KCNIP4: variants seen among roughly 807,000 people sequenced by gnomAD.
KCNIP4 encodes the protein potassium voltage-gated channel interacting protein 4.
KCNIP4 carries 12 observed loss-of-function variants against 34.0 expected under a neutral mutation model. The observed-to-expected ratio is 0.35, with a 90% CI of 0.23 to 0.57. The LOEUF is 0.57. Ranked by LOEUF, KCNIP4 falls within the 20% of genes least tolerant of loss-of-function variation. The pLI is 0.83. For synonymous variants in KCNIP4, 124 were observed against 102.2 expected (o/e 1.21, Z -1.29); for missense variants, 238 against 311.7 (o/e 0.76, Z 1.78).
intron 1 of KCNIP4, among the ~76,000 whole-genome samples, chr4:21,841,634 G>T (rs889844971): frequency 6.6e-6 from 1 of 152,028 alleles, no homozygotes; most frequent in African/African-American, 2.4e-5. Flanking sequence ...TCTCCTAAAA[G>T]AATTCCAAGC....
chr4:21,778,460 CTT>C lies in KCNIP4; in HGVS notation c.61+170109_61+170110del, dbSNP rs555374580. 4.6e-5 allele frequency among the ~76,000 whole-genome samples: 7 copies of C among 151,826 alleles called. No individual in the cohort carries two copies. In the East Asian group the frequency reaches 1.4e-3, roughly 29 times the overall value. On this transcript the variant is annotated intron_variant, in intron 1 of 8. Transcript: ENST00000382152. ...ATGTTACCCAGGCTGGTCTTGAACTCTTGGGTTGAACTCCCACCTCGGCCTCC... is the reference window on the plus strand; with the variant it reads ...ATGTTACCCAGGCTGGTCTTGAACTCGGGTTGAACTCCCACCTCGGCCTCC...
intron 1 of KCNIP4, among the ~76,000 whole-genome samples, chr4:21,918,587 C>A (rs545155392): frequency 1.3e-5 from 2 of 152,070 alleles, no homozygotes; most frequent in Non-Finnish European, 2.9e-5. Flanking sequence ...AACTTAGAGA[C>A]CTTATGCCCA....
intron 3 of KCNIP4, among the ~76,000 whole-genome samples, chr4:20,796,188 A>G (rs905043258): frequency 6.6e-6 from 1 of 152,234 alleles, no homozygotes; most frequent in African/African-American, 2.4e-5. Flanking sequence ...AATCTAACTT[A>G]GTATATATCT....
intron 1 of KCNIP4, among the ~76,000 whole-genome samples, chr4:21,147,955 AAAAAAG>A (rs1427964040): frequency 2.2e-5 from 3 of 138,946 alleles, no homozygotes; most frequent in Non-Finnish European, 4.7e-5. Flanking sequence ...AAAAAAAAAA[AAAAAAG>A]AAAAAAAGTT....
chr4:21,557,093 G>T (rs377236346), intron 1 of KCNIP4, among the ~76,000 whole-genome samples: 1 of 152,006 alleles, frequency 6.6e-6, no homozygotes, highest in African/African-American at 2.4e-5. Flanking sequence ...ATATCTTCCA[G>T]TAGTGGGTAC....
chr4:21,924,901 T>C (rs1729150005), intron 1 of KCNIP4, among the ~76,000 whole-genome samples: 1 of 152,008 alleles, frequency 6.6e-6, no homozygotes, highest in South Asian at 2.1e-4. Context: ...ACTCCATTGG[T>C]ACCTTCTGCT....
In KCNIP4 at chr4:21,497,420, T is replaced by G. The variant is rs1239910775; in HGVS notation, c.61+451151A>C. Among the ~76,000 whole-genome samples the G allele has an allele frequency of 2.0e-5, 3 of 152,186 alleles. No individual in the cohort carries two copies. The East Asian group carries it at 5.8e-4, about 29-fold the overall frequency. On this transcript the variant is annotated intron_variant, in intron 1 of 8. Transcript: ENST00000382152. ...TGATGCTGTTTGATACCTCACACTT[T>G]AGCTCCACTGTTTTTTCAGTGCAAA...
At chr4:20,931,957 CTAATATTGTAGACTA>C (rs1241037919) in intron 1 of KCNIP4, among the ~76,000 whole-genome samples, 1 of 117,798 alleles carries the variant, frequency 8.5e-6, no homozygotes, top group Non-Finnish European at 1.8e-5. Flanking sequence ...CTATAACAGT[CTAATATTGTAGACTA>C]TAATAGTCTA....
intron 3 of KCNIP4, among the ~76,000 whole-genome samples, chr4:20,797,657 G>A (rs1355477752): frequency 7.2e-5 from 11 of 152,178 alleles, no homozygotes; most frequent in Non-Finnish European, 1.5e-5. Context: ...CGGAAAGCAG[G>A]AAAAGAATTT....
intron 1 of KCNIP4, among the ~76,000 whole-genome samples, chr4:21,556,929 A>AAAAAAAAAACAAAAAAAAAC (rs1560514227): frequency 1.1e-4 from 16 of 147,776 alleles, no homozygotes; most frequent in African/African-American, 1.7e-4. Flanking sequence ...TCAGAAAAAA[A>AAAAAAAAAACAAAAAAAAAC]AAAAAAAAAA....
At chr4:21,265,187 G>GA (rs1224545240) in intron 1 of KCNIP4, among the ~76,000 whole-genome samples, 2 of 151,522 alleles carry the variant, frequency 1.3e-5, no homozygotes, top group East Asian at 3.9e-4. Flanking sequence ...GAAGTGAGAG[G>GA]AAAAAAAAGA....
chr4:20,982,816 T>G (rs1175714137), intron 1 of KCNIP4, among the ~76,000 whole-genome samples: 1 of 152,226 alleles, frequency 6.6e-6, no homozygotes, highest in Non-Finnish European at 1.5e-5. Context: ...TAGGCAAGTT[T>G]AAATATTTCC....
intron 1 of KCNIP4, among the ~76,000 whole-genome samples, chr4:21,679,799 T>C (rs749753540): frequency 6.6e-6 from 1 of 152,220 alleles, no homozygotes; most frequent in East Asian, 1.9e-4. Flanking sequence ...CACTGTACTG[T>C]AGTCTATGAA....
At chr4:21,844,823 T>C (rs1578061078) in intron 1 of KCNIP4, 2 of 152,098 alleles carry the variant, frequency 1.3e-5, no homozygotes, top group South Asian at 4.1e-4. Flanking sequence ...GATAACCCAC[T>C]ACATCACCTC....
chr4:21,244,659 T>A (rs1322803487), intron 1 of KCNIP4, among the ~76,000 whole-genome samples: 2 of 152,246 alleles, frequency 1.3e-5, no homozygotes, highest in Non-Finnish European at 2.9e-5. Flanking sequence ...TGAATTCTGA[T>A]TCTAAAAATA....
chr4:21,046,963 C>T (rs1472170295), intron 1 of KCNIP4, among the ~76,000 whole-genome samples: 1 of 152,176 alleles, frequency 6.6e-6, no homozygotes, highest in Non-Finnish European at 1.5e-5. Context: ...CCTGCTCACA[C>T]TATACAGAAT....
intron 1 of KCNIP4, among the ~76,000 whole-genome samples, chr4:20,990,807 A>G (rs1737019190): frequency 6.6e-6 from 1 of 152,054 alleles, no homozygotes; most frequent in African/African-American, 2.4e-5. Context: ...TTTTGATGTA[A>G]TCTCTCTGTA....
intron 1 of KCNIP4, among the ~76,000 whole-genome samples, chr4:21,290,231 T>C (rs1763355764): frequency 6.6e-6 from 1 of 152,152 alleles, no homozygotes; most frequent in African/African-American, 2.4e-5. Context: ...TTTTTAAAGA[T>C]TAAAAACAAA....
chr4:21,709,237 C>T (rs561814215), intron 1 of KCNIP4, among the ~76,000 whole-genome samples: 424 of 152,186 alleles, frequency 2.8e-3, no homozygotes, highest in African/African-American at 9.8e-3. Flanking sequence ...TGGCCCCCAG[C>T]CAACATATAC....
Sources: allele counts gnomAD v4.1 joint callset (sites outside exome capture counted in the v4.1 genomes callset), GRCh38; gene constraint gnomAD v4.1.1; transcripts MANE v1.5; gene names NCBI Gene and HGNC (gene_info 2026-07-23, HGNC 2026-07-21).